The following CFAP410 variants were observed in gnomAD, a reference collection of about 807,000 sequenced individuals.
CFAP410 encodes the protein cilia and flagella associated protein 410.
In CFAP410, 27 loss-of-function variants were observed where a neutral mutation model predicts 25.7. The observed-to-expected ratio is 1.05, with a 90% CI of 0.77 to 1.45. The LOEUF is 1.45. Ranked by LOEUF, CFAP410 falls within the 40% of genes most tolerant of loss-of-function variation. CFAP410 has a pLI of 0.00. For missense variants in CFAP410, 428 were observed against 354.1 expected (o/e 1.21, Z -1.67); for synonymous variants, 178 against 158.4 (o/e 1.12, Z -0.93).
At chr21:44,333,915 C>G (rs771427224) in intron 3 of CFAP410, 21 of 360,332 alleles carry the variant, frequency 5.8e-5, no homozygotes, top group Non-Finnish European at 1.1e-4. Context: ...GAGGGCTGCA[C>G]TCGCGTCCGG....
intron 2 of CFAP410, among the ~76,000 whole-genome samples, chr21:44,337,202 CTCAAGT>C (rs1346386029): frequency 6.6e-6 from 1 of 152,146 alleles, no homozygotes; most frequent in Non-Finnish European, 1.5e-5. Context: ...GACGCACACA[CTCAAGT>C]TCTCCCAGCA....
intron 3 of CFAP410, chr21:44,334,464 G>C: frequency 5.8e-6 from 1 of 173,880 alleles, no homozygotes; most frequent in Non-Finnish European, 1.1e-5. Context: ...CTAGTGAAAC[G>C]AGCCCCGCGG....
At chr21:44,330,619 G>A (rs555277017) in intron 6 of CFAP410, 75 of 1,549,172 alleles carry the variant, frequency 4.8e-5, no homozygotes, top group Non-Finnish European at 5.8e-5. Flanking sequence ...GGACGGCTCC[G>A]TGCGGGGCAC....
chr21:44,335,733 G>A (rs1469631748), intron 3 of CFAP410, 25 bp downstream of exon 3: 1 of 1,573,492 alleles, frequency 6.4e-7, no homozygotes, highest in Non-Finnish European at 8.6e-7. Context: ...GCCCCAGGCT[G>A]AGCATGACAG....
intron 3 of CFAP410, chr21:44,334,260 G>T: frequency 2.2e-6 from 1 of 456,306 alleles, no homozygotes. Context: ...GACAGAAATG[G>T]CCCCACACAC....
At chr21:44,332,095 G>A (rs1452912530) in intron 4 of CFAP410, 81 bp from the exon 5 acceptor site, 7 of 1,210,834 alleles carry the variant, frequency 5.8e-6, no homozygotes, top group Admixed American at 5.1e-5. Flanking sequence ...CGTCCTCACT[G>A]TGGCTTCAGG....
chr21:44,332,764 T>C, intron 4 of CFAP410: 1 of 530,522 alleles, frequency 1.9e-6, no homozygotes, highest in South Asian at 2.9e-5. Flanking sequence ...AGGAACCCTT[T>C]TGCTTTGCTA....
intron 3 of CFAP410, chr21:44,333,590 C>T (rs2047693673): frequency 2.2e-6 from 1 of 460,062 alleles, no homozygotes; most frequent in African/African-American, 1.9e-5. Context: ...AAAATTAAGG[C>T]CTCTCAGGGG....
chr21:44,333,354 G>A, intron 3 of CFAP410, 92 bp from the exon 4 acceptor site: 2 of 991,876 alleles, frequency 2.0e-6, no homozygotes, highest in Non-Finnish European at 3.1e-6. Context: ...GCACTCATGG[G>A]ACCTGTGTCC....
intron 6 of CFAP410, 73 bp downstream of exon 6, chr21:44,330,750 C>G: frequency 1.3e-6 from 2 of 1,551,210 alleles, no homozygotes; most frequent in Non-Finnish European, 1.7e-6. Flanking sequence ...GCTCCATGCT[C>G]CCTCCCCACG....
In CFAP410 at chr21:44,330,062, T is replaced by C; in HGVS notation, c.*136A>G. 9.7e-7 allele frequency: 1 copy of C among 1,031,246 alleles called. No individual in the cohort carries two copies. Among genetic ancestry groups the C allele is most frequent in the Non-Finnish European group, 1.4e-6 (1 of 714,288 alleles). The allele number at this position is 1,031,246 out of a possible 1,614,324, so 63.9% of individuals were successfully genotyped here. A position where few individuals can be genotyped will look rare whatever the true frequency, so the allele number is the denominator to read the frequency against. On this transcript the variant is annotated 3_prime_UTR_variant, in exon 7 of 7. Transcript: ENST00000339818. Reference sequence around the variant, plus strand: ...CAGTACCTAACACCCACTCCTGCCCTCGGCCGATGTGGCAAACCGGGGAGG... The same window carrying C: ...CAGTACCTAACACCCACTCCTGCCCCCGGCCGATGTGGCAAACCGGGGAGG...
chr21:44,332,111 T>G, intron 4 of CFAP410, 97 bp from the exon 5 acceptor site: 5 of 1,058,988 alleles, frequency 4.7e-6, no homozygotes, highest in Non-Finnish European at 6.7e-6. Flanking sequence ...TCAGGCACAG[T>G]CTGCTTGTGA....
At chr21:44,334,517 ACCC>A (rs199672243) in intron 3 of CFAP410, 473 of 72,248 alleles carry the variant, frequency 6.5e-3, no homozygotes, top group Middle Eastern at 0.011. Context: ...GGGCACGCGC[ACCC>A]CCCCCCCCCC....
intron 3 of CFAP410, 84 bp downstream of exon 3, chr21:44,335,674 C>T: frequency 1.9e-6 from 2 of 1,062,572 alleles, no homozygotes; most frequent in African/African-American, 1.6e-5. Context: ...GGTTATGTCA[C>T]AGTGCTGGGT....
In CFAP410 at chr21:44,330,093, G is replaced by C; in HGVS notation, c.*105C>G. ...GATGTGGCAAACCGGGGAGGCTTTT[G>C]TGTGGGGCCGGGGCTGCGGCCATGG... is the stretch of plus-strand genomic sequence containing the variant. On this transcript the variant is annotated 3_prime_UTR_variant, in exon 7 of 7. Coordinates refer to ENST00000339818, the MANE Select transcript of CFAP410 (RefSeq NM_004928.3). 1 of 1,329,948 alleles carries C rather than the reference G, an allele frequency of 7.5e-7. No homozygotes were observed. Among genetic ancestry groups the C allele is most frequent in the Non-Finnish European group, 1.0e-6 (1 of 979,584 alleles). 82.4% of individuals were successfully genotyped at this position (1,329,948 alleles called of 1,614,324 possible). A position where few individuals can be genotyped will look rare whatever the true frequency, so the allele number is the denominator to read the frequency against.
intron 6 of CFAP410, 144 bp from the exon 7 acceptor site, chr21:44,330,470 CTCGGAGAA>C: frequency 2.6e-6 from 4 of 1,531,596 alleles, no homozygotes; most frequent in Non-Finnish European, 3.5e-6. Context: ...GACCGGCACA[CTCGGAGAA>C]TCTGAGCAGA....
intron 1 of CFAP410, 101 bp from the exon 2 acceptor site, chr21:44,337,768 A>C: frequency 1.1e-6 from 1 of 947,294 alleles, no homozygotes. Context: ...TACAAACCTT[A>C]AGATTCTAGG....
rs894090989 is a variant in CFAP410 at position 44,335,893 on chromosome 21, C to T, written c.97-89G>A. The stretch of plus-strand genomic sequence containing the variant: ...CAGCCACAGAGAACTGTCGAAGCCA[C>T]GGCCAACCCACTTCCGGGGCCTGAG... On this transcript the variant is annotated intron_variant, in intron 2 of 6. Transcript: ENST00000339818. The T allele has an allele frequency of 1.2e-4, 125 of 1,015,680 alleles. 2 individuals carry two copies. The highest frequency in any genetic ancestry group is 1.1e-3 in the South Asian group (80 of 71,206). 62.9% of individuals were successfully genotyped at this position (1,015,680 alleles called of 1,614,324 possible). A position where few individuals can be genotyped will look rare whatever the true frequency, so the allele number is the denominator to read the frequency against.
chr21:44,333,961 G>C (rs2047700598), intron 3 of CFAP410: 2 of 382,324 alleles, frequency 5.2e-6, no homozygotes, highest in African/African-American at 4.2e-5. Flanking sequence ...AGGCCCCCAT[G>C]GGCAGCCTGC....
Sources: gnomAD v4.1 joint callset for allele counts (sites outside exome capture counted in the v4.1 genomes callset) on GRCh38, gnomAD v4.1.1 for gene constraint, MANE v1.5 for transcripts, NCBI Gene and HGNC (gene_info 2026-07-23, HGNC 2026-07-21) for gene names.